NUFIP2: variants seen among roughly 807,000 people sequenced by gnomAD.
NUFIP2 encodes the protein FMR1-interacting protein NUFIP2.
Under a neutral mutation model 56.9 loss-of-function variants are expected in NUFIP2, and 6 were observed. That is an observed-to-expected ratio of 0.11 (90% CI 0.06 to 0.21). The LOEUF is 0.21. NUFIP2 is among the 10% of genes least tolerant of loss of function. The pLI is 1.00. For synonymous variants in NUFIP2, 321 were observed against 298.2 expected (o/e 1.08, Z -0.79); for missense variants, 828 against 826.8 (o/e 1.00, Z -0.02).
At chr17:29,283,342 TG>T (rs1381020000) in intron 2 of NUFIP2, among the ~76,000 whole-genome samples, 2 of 152,228 alleles carry the variant, frequency 1.3e-5, no homozygotes, top group Non-Finnish European at 2.9e-5. Flanking sequence ...CTACACATTT[TG>T]TTGTTTTGTT....
intron 3 of NUFIP2, 133 bp from the exon 4 acceptor site, chr17:29,264,724 C>T (rs2069024356): frequency 1.8e-6 from 1 of 555,508 alleles, no homozygotes; most frequent in Non-Finnish European, 3.3e-6. Flanking sequence ...AGCCCATTTC[C>T]TCCTTGTACC....
chr17:29,286,607 C>G lies in NUFIP2; in HGVS notation c.1387G>C (p.Ala463Pro). ...VLQDMSLTSA[A>P]VEQIKTSLFI... ...AGGCTAGTCTTAATTTGTTCAACAG[C>G]TGCTGAAGTTAGACTCATGTCCTGG... The change falls in exon 2 of 4, where the codon GCT becomes CCT. Residue 463 changes from alanine to proline, a missense_variant. Physicochemically the swap from Ala to Pro is conservative, Grantham distance 27. Transcript: ENST00000225388. 1 of 1,614,136 alleles carries G rather than the reference C, an allele frequency of 6.2e-7. No individual in the cohort carries two copies. Among genetic ancestry groups the G allele is most frequent in the Non-Finnish European group, 8.5e-7 (1 of 1,179,976 alleles).
rs917630170 is a variant in NUFIP2, at chr17:29,293,818, A to T, written c.242T>A (p.Leu81His). ...CTTCGGCGTTTCCTGGTGCTGCTGG[A>T]GGGTGTGTTTCTGCTCATGTTTCAG... ...KPLKHEQKHT[L>H]QQHQETPKKK... Residue 81 changes from leucine (L) to histidine (H), a missense_variant, in exon 1 of 4, where the codon CTC becomes CAC. By Grantham distance (99) the Leu-to-His change is moderately conservative (BLOSUM62 -3). Coordinates refer to ENST00000225388, the MANE Select transcript of NUFIP2 (RefSeq NM_020772.3). 43 of 1,392,146 alleles carry T rather than the reference A, an allele frequency of 3.1e-5. No homozygotes were observed. Among genetic ancestry groups the T allele is most frequent in the Non-Finnish European group, 4.0e-5 (42 of 1,042,500 alleles). 86.2% of individuals were successfully genotyped at this position (1,392,146 alleles called of 1,614,324 possible). A position where few individuals can be genotyped will look rare whatever the true frequency, so the allele number is the denominator to read the frequency against.
Position 29,291,781 on chromosome 17 carries a change from C to A in NUFIP2, c.277+2002G>T, listed in dbSNP as rs750450431. The stretch of plus-strand genomic sequence containing the variant: ...AAAAATCTAGTTATATAGTCCCTAA[C>A]AGTTTTTAAACTGTTCCAAATCTTT... On this transcript the variant is annotated intron_variant, in intron 1 of 3. Coordinates refer to ENST00000225388, the MANE Select transcript of NUFIP2 (RefSeq NM_020772.3). Among the ~76,000 whole-genome samples the A allele has an allele frequency of 2.0e-5, 3 of 152,222 alleles. No homozygotes were observed. In the East Asian group the frequency reaches 5.8e-4, roughly 29 times the overall value.
At chr17:29,272,010 T>C (rs975042705) in intron 2 of NUFIP2, among the ~76,000 whole-genome samples, 8 of 135,270 alleles carry the variant, frequency 5.9e-5, no homozygotes, top group Non-Finnish European at 1.2e-4. Context: ...GAGGCAGAGA[T>C]TGCAGTGAGC....
rs117954678 is a variant in NUFIP2 at position 29,263,128 on chromosome 17, T to C, written c.*1411A>G. 6.6e-3 allele frequency: 1,005 copies of C among 152,734 alleles called. 12 individuals carry two copies. The highest frequency in any genetic ancestry group is 8.8e-3 in the Non-Finnish European group (598 of 68,020). 9.5% of individuals were successfully genotyped at this position (152,734 alleles called of 1,614,324 possible). On this transcript the variant is annotated 3_prime_UTR_variant, in exon 4 of 4. Transcript: ENST00000225388. ...AATTTCTGTGTGTGTGATGTGATGC[T>C]GTGTCAGGCCAGACAACTTGTTATT...
rs1216376090 is a variant in NUFIP2, at chr17:29,257,001, C to T, written c.*7538G>A. ...CAGCTTTAAGACAAAAAATCGTCAC[C>T]AAGTTCCATATGACAAAAAAGGGTC... On this transcript the variant is annotated 3_prime_UTR_variant, in exon 4 of 4. Coordinates refer to ENST00000225388, the MANE Select transcript of NUFIP2 (RefSeq NM_020772.3). 1 of 152,162 alleles carries T rather than the reference C, an allele frequency of 6.6e-6. No homozygotes were observed. Among genetic ancestry groups the T allele is most frequent in the African/African-American group, 2.4e-5 (1 of 41,448 alleles). 9.4% of individuals were successfully genotyped at this position (152,162 alleles called of 1,614,324 possible). A position where few individuals can be genotyped will look rare whatever the true frequency, so the allele number is the denominator to read the frequency against.
At chr17:29,280,584 G>A (rs939375672) in intron 2 of NUFIP2, among the ~76,000 whole-genome samples, 7 of 152,132 alleles carry the variant, frequency 4.6e-5, no homozygotes, top group Non-Finnish European at 1.5e-5. Flanking sequence ...TACACAGGAG[G>A]CTGAGGCGGG....
intron 2 of NUFIP2, among the ~76,000 whole-genome samples, chr17:29,267,991 C>T (rs1353276259): frequency 6.6e-6 from 1 of 152,152 alleles, no homozygotes; most frequent in Non-Finnish European, 1.5e-5. Flanking sequence ...CTCCGCCTCT[C>T]GGGTTCCAGC....
intron 2 of NUFIP2, among the ~76,000 whole-genome samples, chr17:29,276,977 A>G (rs1294889339): frequency 6.6e-6 from 1 of 152,234 alleles, no homozygotes; most frequent in Admixed American, 6.5e-5. Context: ...GCTAACTAGA[A>G]GCTTATTTTT....
chr17:29,278,968 C>T (rs11653788), intron 2 of NUFIP2, among the ~76,000 whole-genome samples: 33,967 of 152,042 alleles, frequency 0.22, 4,236 homozygotes, highest in South Asian at 0.35. Flanking sequence ...TGTCCCACAT[C>T]ATTATATCCT....
At chr17:29,288,922 C>T (rs72819476) in intron 1 of NUFIP2, among the ~76,000 whole-genome samples, 5,651 of 152,148 alleles carry the variant, frequency 0.037, 135 homozygotes, top group African/African-American at 0.07. Flanking sequence ...AGGGCCAAGG[C>T]AGGCAGACTG....
At position 29,294,088 on chromosome 17, in the gene NUFIP2, G is replaced by A. The variant is rs369412070; in HGVS notation, c.-29C>T. The A allele has an allele frequency of 1.5e-5, 24 of 1,568,416 alleles. No individual in the cohort carries two copies. Among genetic ancestry groups the A allele is most frequent in the South Asian group, 1.1e-4 (9 of 83,546 alleles). On this transcript the variant is annotated 5_prime_UTR_variant, in exon 1 of 4. Transcript: ENST00000225388. The stretch of plus-strand genomic sequence containing the variant: ...AAGCGGCTGGGACTCCCTGGCTGAG[G>A]CTGCGGGCTGCTGCACCGTCAGGAT...
intron 3 of NUFIP2, 101 bp from the exon 4 acceptor site, chr17:29,264,692 T>C: frequency 2.9e-6 from 2 of 693,230 alleles, no homozygotes; most frequent in Non-Finnish European, 5.0e-6. Context: ...CTGACCAATT[T>C]TTTTATGAAA....
At chr17:29,290,529 C>T (rs1270251626) in intron 1 of NUFIP2, among the ~76,000 whole-genome samples, 1 of 151,432 alleles carries the variant, frequency 6.6e-6, no homozygotes, top group African/African-American at 2.4e-5. Flanking sequence ...GGCATGGTAG[C>T]ATATGCCTGT....
chr17:29,269,390 T>C (rs2069058071), intron 2 of NUFIP2, among the ~76,000 whole-genome samples: 1 of 152,152 alleles, frequency 6.6e-6, no homozygotes, highest in South Asian at 2.1e-4. Flanking sequence ...AAGATACAGA[T>C]CTAAAATTAT....
At chr17:29,270,027 G>A (rs1429845749) in intron 2 of NUFIP2, among the ~76,000 whole-genome samples, 2 of 151,948 alleles carry the variant, frequency 1.3e-5, no homozygotes, top group Non-Finnish European at 2.9e-5. Context: ...GCCAAGCCTG[G>A]CACTTTTAAA....
intron 2 of NUFIP2, among the ~76,000 whole-genome samples, chr17:29,283,195 A>G (rs1032806154): frequency 6.6e-6 from 1 of 152,246 alleles, no homozygotes; most frequent in African/African-American, 2.4e-5. Context: ...CTGATTTCAT[A>G]TTCAGCTAGC....
At chr17:29,272,840 C>CTTT (rs869121432) in intron 2 of NUFIP2, among the ~76,000 whole-genome samples, 1 of 129,106 alleles carries the variant, frequency 7.7e-6, no homozygotes, top group Admixed American at 7.5e-5. Context: ...GTAACTGATT[C>CTTT]TTTTTTTTTT....
Sources: gnomAD v4.1 joint callset for allele counts (sites outside exome capture counted in the v4.1 genomes callset) on GRCh38, gnomAD v4.1.1 for gene constraint, MANE v1.5 for transcripts, NCBI Gene and HGNC (gene_info 2026-07-23, HGNC 2026-07-21) for gene names.